Variants in PGR observed in about 807,000 individuals in gnomAD.
PGR encodes progesterone receptor.
PGR carries 25 observed loss-of-function variants against 76.1 expected under a neutral mutation model. The observed-to-expected ratio is 0.33, with a 90% CI of 0.24 to 0.46. The LOEUF (loss-of-function observed/expected upper bound fraction) is 0.46, where lower values mean the gene tolerates loss of function less well. PGR is among the 20% of genes least tolerant of loss of function. The pLI is 1.00. For missense variants in PGR, 1,172 were observed against 1,225.3 expected, an observed-to-expected ratio of 0.96 and a Z score of 0.65; for synonymous variants, 579 against 535.0, an observed-to-expected ratio of 1.08 and a Z score of -1.14.
chr11:101,034,095 T>G lies in PGR; in HGVS notation c.*5021A>C, dbSNP rs955607116. On this transcript the variant is annotated 3_prime_UTR_variant, in exon 8 of 8. Coordinates refer to ENST00000325455, the MANE Select transcript of PGR (RefSeq NM_000926.4). ...AGAGTATGCTTTCTTAGCTGCCTGA[T>G]TCACATTTCTCTAAAAATGCTTTAT... The G allele has an allele frequency of 1.3e-5, 3 of 231,100 alleles. No individual in the cohort carries two copies. The highest frequency in any genetic ancestry group is 5.7e-5 in the Admixed American group (1 of 17,692). 14.3% of individuals were successfully genotyped at this position (231,100 alleles called of 1,614,324 possible).
At chr11:101,053,727 CCTCT>C (rs1012343336) in intron 4 of PGR, among the ~76,000 whole-genome samples, 7 of 150,396 alleles carry the variant, frequency 4.7e-5, no homozygotes, top group Admixed American at 1.3e-4. Context: ...TTCTTCCTTC[CCTCT>C]CTTTCTTCCT....
intron 4 of PGR, among the ~76,000 whole-genome samples, chr11:101,055,605 C>T (rs1860263415): frequency 6.6e-6 from 1 of 151,954 alleles, no homozygotes; most frequent in South Asian, 2.1e-4. Flanking sequence ...TTTGACTTAA[C>T]TATGCTGTAA....
At position 101,029,629 on chromosome 11, in the gene PGR, AT is replaced by A. The variant is rs1859289653; in HGVS notation, c.*9486del. On this transcript the variant is annotated 3_prime_UTR_variant, in exon 8 of 8. Coordinates refer to ENST00000325455, the MANE Select transcript of PGR (RefSeq NM_000926.4). ...TTCATTAATAAAGAGAGATATAGAA[AT>A]TAGTTTATTCTTTATTATCACACAG... The A allele has an allele frequency of 5.3e-6, 1 of 187,918 alleles. No individual in the cohort carries two copies. The highest frequency in any genetic ancestry group is 1.1e-5 in the Non-Finnish European group (1 of 89,206). The allele number at this position is 187,918 out of a possible 1,614,324, so 11.6% of individuals were successfully genotyped here.
chr11:101,128,049 G>C lies in PGR; in HGVS notation c.1022C>G (p.Pro341Arg). The C allele has an allele frequency of 1.2e-6, 2 of 1,604,470 alleles. No homozygotes were observed. The highest frequency in any genetic ancestry group is 1.7e-6 in the Non-Finnish European group (2 of 1,179,754). ...GGAGAASAFAPPRSSPCASST... is the reference protein window; with the variant it reads ...GGAGAASAFARPRSSPCASST... ...CGAGGCACAGGGTGAACTCCGCGGC[G>C]GGGCAAAGGCGCTGGCAGCCCCGGC... Residue 341 changes from proline (P) to arginine (R), a missense_variant, in exon 1 of 8, where the codon CCG (proline) becomes CGG (arginine). By Grantham distance (103) the Pro-to-Arg change is moderately radical. This residue lies in a region of PGR where 893 missense variants were observed against 785.9 expected (regional missense o/e 1.14). Transcript: ENST00000325455.
At chr11:101,102,993 C>A (rs759739086) in intron 2 of PGR, among the ~76,000 whole-genome samples, 69 of 151,906 alleles carry the variant, frequency 4.5e-4, no homozygotes, top group Non-Finnish European at 5.7e-4. Context: ...AGGGTTTGCG[C>A]TGCTATGAGA....
chr11:101,094,863 C>T (rs1466489751), intron 2 of PGR, among the ~76,000 whole-genome samples: 1 of 152,078 alleles, frequency 6.6e-6, no homozygotes, highest in African/African-American at 2.4e-5. Flanking sequence ...GTCTCTGCCT[C>T]CATGGATGGA....
intron 2 of PGR, among the ~76,000 whole-genome samples, chr11:101,097,101 G>A (rs1369694312): frequency 6.6e-6 from 1 of 152,172 alleles, no homozygotes; most frequent in South Asian, 2.1e-4. Context: ...GCTTAATAGA[G>A]CACTATGCTT....
At chr11:101,124,875 T>C (rs1862790129) in intron 2 of PGR, among the ~76,000 whole-genome samples, 2 of 152,142 alleles carry the variant, frequency 1.3e-5, no homozygotes, top group South Asian at 4.1e-4. Context: ...ATCAGTAAAA[T>C]ACATTCATCT....
intron 3 of PGR, among the ~76,000 whole-genome samples, chr11:101,077,973 T>C (rs1271786506): frequency 6.6e-6 from 1 of 152,214 alleles, no homozygotes; most frequent in Non-Finnish European, 1.5e-5. Context: ...CTTAGGGTAT[T>C]AAAGGCACAG....
intron 2 of PGR, among the ~76,000 whole-genome samples, chr11:101,102,590 A>C (rs1235317569): frequency 6.6e-6 from 1 of 152,164 alleles, no homozygotes; most frequent in Admixed American, 6.6e-5. Context: ...GGACAATAAC[A>C]AATCAGTAGG....
At position 101,123,859 on chromosome 11, in the gene PGR, C is replaced by G. The variant is rs1591435160; in HGVS notation, c.1789+2148G>C. On this transcript the variant is annotated intron_variant, in intron 2 of 7. Transcript: ENST00000325455. ...GATGTTTTATGTGCATATGTTACCT[C>G]CCTAACTATATTACAAGTTCCTTGA... 3.9e-5 allele frequency among the ~76,000 whole-genome samples: 6 copies of G among 152,202 alleles called. No individual in the cohort carries two copies. In the South Asian group the frequency reaches 1.2e-3, roughly 31 times the overall value.
rs1190509569 is a variant in PGR at position 101,041,976 on chromosome 11, T to C, written c.2615A>G (p.Gln872Arg). 6.2e-7 allele frequency: 1 copy of C among 1,613,566 alleles called. No homozygotes were observed. The highest frequency in any genetic ancestry group is 1.3e-5 in the African/African-American group (1 of 75,004). Reference sequence around the variant, plus strand: ...CAAGTTATCAAGAAGTTTTGTAAGTTGATAGAAACGCTGTGAGCTCGACAC... The same window carrying C: ...CAAGTTATCAAGAAGTTTTGTAAGTCGATAGAAACGCTGTGAGCTCGACAC... ...GVVSSSQRFY[Q>R]LTKLLDNLHD... The change falls in exon 7 of 8, where the codon CAA becomes CGA. Residue 872 changes from glutamine to arginine, a missense_variant. Gln to Arg is a conservative substitution (Grantham distance 43, BLOSUM62 1). Coordinates refer to ENST00000325455, the MANE Select transcript of PGR (RefSeq NM_000926.4).
At chr11:101,121,647 A>G (rs1350653350) in intron 2 of PGR, among the ~76,000 whole-genome samples, 3 of 152,192 alleles carry the variant, frequency 2.0e-5, no homozygotes, top group African/African-American at 7.2e-5. Context: ...CATTGCATAA[A>G]CGAATCACTT....
chr11:101,075,559 G>A (rs1041785749), intron 3 of PGR, among the ~76,000 whole-genome samples: 2 of 149,360 alleles, frequency 1.3e-5, no homozygotes, highest in Admixed American at 1.4e-4. Flanking sequence ...GAAAATTTCT[G>A]CAATTTATCC....
At chr11:101,100,103 A>C (rs1861951627) in intron 2 of PGR, among the ~76,000 whole-genome samples, 1 of 151,926 alleles carries the variant, frequency 6.6e-6, no homozygotes, top group Admixed American at 6.6e-5. Context: ...CACCACCCAA[A>C]CCTCATCTTG....
intron 2 of PGR, among the ~76,000 whole-genome samples, chr11:101,108,248 TAAAAA>T: frequency 8.7e-6 from 1 of 115,392 alleles, no homozygotes; most frequent in East Asian, 2.6e-4. Flanking sequence ...AGACTCCGTC[TAAAAA>T]AAAAAAAAAA....
chr11:101,057,485 A>C (rs1258782011), intron 4 of PGR, among the ~76,000 whole-genome samples: 1 of 152,160 alleles, frequency 6.6e-6, no homozygotes, highest in South Asian at 2.1e-4. Context: ...TTGGAAAAAG[A>C]AATGGAAAAT....
Position 101,032,302 on chromosome 11 carries a change from G to A in PGR, c.*6814C>T, listed in dbSNP as rs945610417. ...AAAATAGTGCAACTTCCTCAAAAAT[G>A]TTCTCCCTGCTTCCAGGATTAGTCA... On this transcript the variant is annotated 3_prime_UTR_variant, in exon 8 of 8. Transcript: ENST00000325455. The A allele has an allele frequency of 4.3e-6, 1 of 232,720 alleles. No individual in the cohort carries two copies. Among genetic ancestry groups the A allele is most frequent in the Non-Finnish European group, 8.5e-6 (1 of 117,846 alleles). The allele number at this position is 232,720 out of a possible 1,614,324, so 14.4% of individuals were successfully genotyped here.
intron 2 of PGR, among the ~76,000 whole-genome samples, chr11:101,116,856 T>G (rs1029679331): frequency 3.3e-5 from 5 of 151,508 alleles, no homozygotes; most frequent in Non-Finnish European, 7.4e-5. Flanking sequence ...CCTAGCAAGA[T>G]CAAATGGGTA....
Sources: gnomAD v4.1 joint callset for allele counts (sites outside exome capture counted in the v4.1 genomes callset) on GRCh38, gnomAD v4.1.1 for gene constraint, gnomAD v4.1.1 regional missense constraint, MANE v1.5 for transcripts, NCBI Gene and HGNC (gene_info 2026-07-23, HGNC 2026-07-21) for gene names.